The following ATP8A2 variants were observed in gnomAD, a reference collection of about 807,000 sequenced individuals.
ATP8A2 encodes the protein phospholipid-transporting ATPase IB.
A neutral mutation model predicts 165.6 loss-of-function variants in ATP8A2; 100 were observed. The ratio of observed to expected loss-of-function variants is 0.60; its 90% CI spans 0.51 to 0.71. ATP8A2 has a LOEUF of 0.71. Ranked by LOEUF, ATP8A2 falls within the 30% of genes least tolerant of loss-of-function variation. The pLI, the probability that ATP8A2 is intolerant of heterozygous loss-of-function variation, is 0.00. For synonymous variants in ATP8A2, 543 were observed against 548.8 expected (o/e 0.99, Z 0.15); for missense variants, 1,227 against 1,479.5 (o/e 0.83, Z 2.80).
At chr13:25,906,255 GC>G (rs1456813890) in intron 33 of ATP8A2, among the ~76,000 whole-genome samples, 1 of 92,656 alleles carries the variant, frequency 1.1e-5, no homozygotes, top group Non-Finnish European at 2.0e-5. Context: ...TACCCTCCCC[GC>G]CCCCCGCCCA....
chr13:25,985,126 CTAA>C (rs1403769764), intron 35 of ATP8A2, among the ~76,000 whole-genome samples: 6 of 152,190 alleles, frequency 3.9e-5, no homozygotes, highest in Admixed American at 3.9e-4. Flanking sequence ...CAGGGCACTG[CTAA>C]TGCGGAGAAC....
At chr13:25,638,766 A>G (rs921417178) in intron 24 of ATP8A2, among the ~76,000 whole-genome samples, 2 of 152,134 alleles carry the variant, frequency 1.3e-5, no homozygotes, top group Non-Finnish European at 2.9e-5. Context: ...TGCCACAAAG[A>G]TACTCCTCCA....
At chr13:25,591,131 C>CTGTG (rs1041864830) in intron 24 of ATP8A2, 8 of 190,098 alleles carry the variant, frequency 4.2e-5, no homozygotes, top group Non-Finnish European at 8.6e-5. Flanking sequence ...ATTGGAAATA[C>CTGTG]TATGTGTGTG....
chr13:25,896,573 A>G (rs1260755694), intron 33 of ATP8A2, among the ~76,000 whole-genome samples: 2 of 152,132 alleles, frequency 1.3e-5, no homozygotes, highest in African/African-American at 4.8e-5. Flanking sequence ...GCTGAGTTCA[A>G]TTCCTGGATA....
At chr13:26,005,771 T>C (rs1039217406) in intron 35 of ATP8A2, among the ~76,000 whole-genome samples, 1 of 152,078 alleles carries the variant, frequency 6.6e-6, no homozygotes, top group Admixed American at 6.5e-5. Context: ...GGAGAGATTA[T>C]TCTTTTATTA....
rs377443219 is a variant in ATP8A2, at chr13:25,878,925, T to C, written c.3183+16517T>C. ...CTCACATCCAGAGCAGGGTCATGAG[T>C]GTTCACTCCTGCAGCTGTGTCGTTT... On this transcript the variant is annotated intron_variant, in intron 33 of 36. Transcript: ENST00000381655. 9.2e-5 allele frequency among the ~76,000 whole-genome samples: 14 copies of C among 152,224 alleles called. No homozygotes were observed. The East Asian group carries it at 2.7e-3, about 29-fold the overall frequency.
Position 25,468,817 on chromosome 13 carries a change from G to C in ATP8A2, c.77-160G>C, listed in dbSNP as rs1295707078. Reference sequence around the variant, plus strand: ...GGCCTTGGCTGCCGCGGCACAGGCGGCGGCGTCTCCAGGGGGAGCCAAGGT... The same window carrying C: ...GGCCTTGGCTGCCGCGGCACAGGCGCCGGCGTCTCCAGGGGGAGCCAAGGT... On this transcript the variant is annotated intron_variant, in intron 1 of 36. Coordinates refer to ENST00000381655, the MANE Select transcript of ATP8A2 (RefSeq NM_016529.6). The C allele has an allele frequency of 1.4e-5, 14 of 983,890 alleles. No homozygotes were observed. The South Asian group carries it at 5.6e-4, about 40-fold the overall frequency. The allele number at this position is 983,890 out of a possible 1,614,324, so 60.9% of individuals were successfully genotyped here. A position where few individuals can be genotyped will look rare whatever the true frequency, so the allele number is the denominator to read the frequency against.
chr13:25,579,211 A>G (rs1388590024), intron 21 of ATP8A2, among the ~76,000 whole-genome samples: 8 of 152,218 alleles, frequency 5.3e-5, no homozygotes, highest in Non-Finnish European at 8.8e-5. Flanking sequence ...TCACTGGCTT[A>G]TCCATGACTT....
intron 33 of ATP8A2, among the ~76,000 whole-genome samples, chr13:25,892,676 C>T (rs1481490848): frequency 6.6e-6 from 1 of 152,056 alleles, no homozygotes; most frequent in Non-Finnish European, 1.5e-5. Flanking sequence ...GTGCGATGCT[C>T]TCCTTTGTGC....
At chr13:25,767,425 T>C (rs2044514729) in intron 25 of ATP8A2, among the ~76,000 whole-genome samples, 1 of 152,248 alleles carries the variant, frequency 6.6e-6, no homozygotes, top group South Asian at 2.1e-4. Context: ...GGCTATCTTT[T>C]AAGTTCTGAA....
chr13:26,005,262 AC>A (rs1251298145), intron 35 of ATP8A2, among the ~76,000 whole-genome samples: 2 of 151,806 alleles, frequency 1.3e-5, no homozygotes, highest in Admixed American at 6.6e-5. Context: ...ATATCTAATG[AC>A]CCTTTATGTT....
chr13:25,513,589 G>T (rs1247917159), intron 2 of ATP8A2, among the ~76,000 whole-genome samples: 1 of 152,082 alleles, frequency 6.6e-6, no homozygotes, highest in Non-Finnish European at 1.5e-5. Flanking sequence ...TCGGCACTTT[G>T]GGAGGCCAAG....
intron 33 of ATP8A2, among the ~76,000 whole-genome samples, chr13:25,906,285 A>G (rs1953934762): frequency 1.7e-5 from 2 of 118,454 alleles, no homozygotes; most frequent in Admixed American, 1.1e-4. Context: ...ATAAACTTTC[A>G]TATCCTGTAT....
intron 1 of ATP8A2, among the ~76,000 whole-genome samples, chr13:25,451,189 T>G (rs550545234): frequency 6.6e-6 from 1 of 152,304 alleles, no homozygotes; most frequent in South Asian, 2.1e-4. Flanking sequence ...TGTCTTCAAA[T>G]TCATGCATCC....
At chr13:25,966,030 A>AG (rs66471332) in intron 34 of ATP8A2, among the ~76,000 whole-genome samples, 1 of 3,704 alleles carries the variant, frequency 2.7e-4, no homozygotes, top group Admixed American at 3.8e-3. Flanking sequence ...AGAGTTTCAG[A>AG]AAAAAAAAAA....
chr13:25,943,158 G>A (rs543164075), intron 33 of ATP8A2, among the ~76,000 whole-genome samples: 1 of 152,204 alleles, frequency 6.6e-6, no homozygotes, highest in South Asian at 2.1e-4. Flanking sequence ...GCCATCTGGA[G>A]AGGCATCCTC....
At chr13:25,791,063 C>T (rs532305633) in intron 27 of ATP8A2, among the ~76,000 whole-genome samples, 1 of 152,242 alleles carries the variant, frequency 6.6e-6, no homozygotes, top group African/African-American at 2.4e-5. Context: ...ATAAATCATT[C>T]TGTTATAAAG....
At position 25,990,476 on chromosome 13, in the gene ATP8A2, G is replaced by A. The variant is rs78531980; in HGVS notation, c.3377+21797G>A. Among the ~76,000 whole-genome samples the A allele has an allele frequency of 3.6e-3, 543 of 152,210 alleles. 3 individuals carry two copies. Among genetic ancestry groups the A allele is most frequent in the African/African-American group, 0.012 (517 of 41,528 alleles). On this transcript the variant is annotated intron_variant, in intron 35 of 36. Coordinates refer to ENST00000381655, the MANE Select transcript of ATP8A2 (RefSeq NM_016529.6). ...CTGAGGGAGAGAGACTTGTCCACGG[G>A]AAGAACATCCCAGGCCAAGGGAAAG...
intron 2 of ATP8A2, among the ~76,000 whole-genome samples, chr13:25,508,041 T>C (rs2137747349): frequency 6.6e-6 from 1 of 152,270 alleles, no homozygotes; most frequent in African/African-American, 2.4e-5. Context: ...TGCAAATTAA[T>C]GTGACAGTGA....
Sources: gnomAD v4.1 joint callset for allele counts (sites outside exome capture counted in the v4.1 genomes callset) on GRCh38, gnomAD v4.1.1 for gene constraint, MANE v1.5 for transcripts, NCBI Gene and HGNC (gene_info 2026-07-23, HGNC 2026-07-21) for gene names.